Variants in MCC observed in about 807,000 individuals in gnomAD.
MCC encodes colorectal mutant cancer protein.
A neutral mutation model predicts 116.2 loss-of-function variants in MCC; 90 were observed. The ratio of observed to expected loss-of-function variants is 0.77; its 90% CI spans 0.65 to 0.92. The LOEUF (loss-of-function observed/expected upper bound fraction) is 0.92, where lower values mean the gene tolerates loss of function less well. Ranked by LOEUF, MCC falls within the 40% of genes least tolerant of loss-of-function variation. MCC has a pLI of 0.00. For missense variants in MCC, 1,516 were observed against 1,312.2 expected, an observed-to-expected ratio of 1.16 and a Z score of -2.40; for synonymous variants, 578 against 510.5, an observed-to-expected ratio of 1.13 and a Z score of -1.78.
At chr5:113,074,265 A>T (rs1160615519) in intron 11 of MCC, among the ~76,000 whole-genome samples, 1 of 152,188 alleles carries the variant, frequency 6.6e-6, no homozygotes. Context: ...ACCCACACAA[A>T]CAGGGTCTGG....
At chr5:113,403,405 A>G (rs1392210749) in intron 1 of MCC, among the ~76,000 whole-genome samples, 1 of 152,250 alleles carries the variant, frequency 6.6e-6, no homozygotes, top group Non-Finnish European at 1.5e-5. Context: ...GTTAAATCCC[A>G]GAAATAAAAA....
intron 3 of MCC, among the ~76,000 whole-genome samples, chr5:113,152,303 G>A (rs748986436): frequency 5.9e-5 from 9 of 152,280 alleles, no homozygotes; most frequent in East Asian, 1.9e-4. Context: ...TTTTCAGGCC[G>A]ACGGATGGAA....
At chr5:113,079,791 G>A (rs961895481) in intron 11 of MCC, among the ~76,000 whole-genome samples, 20 of 152,138 alleles carry the variant, frequency 1.3e-4, no homozygotes, top group African/African-American at 4.3e-4. Context: ...TGGCACCAAA[G>A]GCAAAATAGA....
At chr5:113,285,814 G>A (rs979102708) in intron 3 of MCC, among the ~76,000 whole-genome samples, 3 of 152,176 alleles carry the variant, frequency 2.0e-5, no homozygotes, top group Non-Finnish European at 4.4e-5. Context: ...CATCAGTTTT[G>A]TTTGTTGCTG....
rs557841674 is a variant in MCC at position 113,483,360 on chromosome 5, G to A, written c.170+4885C>T. 7.9e-5 allele frequency among the ~76,000 whole-genome samples: 12 copies of A among 152,284 alleles called. No individual in the cohort carries two copies. The East Asian group carries it at 2.3e-3, about 29-fold the overall frequency. The stretch of plus-strand genomic sequence containing the variant: ...TTGATTCTGTAAATCAATTTGGGAA[G>A]TATTGCCATCTTAACAAAAAGTTTT... On this transcript the variant is annotated intron_variant, in intron 1 of 18. Coordinates refer to ENST00000408903, the MANE Select transcript of MCC (RefSeq NM_001085377.2).
intron 3 of MCC, among the ~76,000 whole-genome samples, chr5:113,244,967 A>G (rs978117293): frequency 1.3e-5 from 2 of 152,216 alleles, no homozygotes; most frequent in Non-Finnish European, 2.9e-5. Context: ...TTGATTAGCC[A>G]TTGTGGGTTA....
At chr5:113,104,051 C>G in intron 7 of MCC, 141 bp downstream of exon 7, 2 of 826,366 alleles carry the variant, frequency 2.4e-6, no homozygotes, top group African/African-American at 3.4e-5. Flanking sequence ...CGCTTCTACA[C>G]CGTGGCTCAA....
intron 1 of MCC, among the ~76,000 whole-genome samples, chr5:113,442,705 T>G (rs899020414): frequency 6.6e-6 from 1 of 152,154 alleles, no homozygotes; most frequent in Non-Finnish European, 1.5e-5. Context: ...CCAGTTTCAG[T>G]TTTCTGCATA....
chr5:113,396,205 G>C (rs975289112), intron 1 of MCC, among the ~76,000 whole-genome samples: 9 of 152,178 alleles, frequency 5.9e-5, no homozygotes, highest in Non-Finnish European at 1.0e-4. Flanking sequence ...GCATATGCCT[G>C]TAGTCCCGGC....
At position 113,079,842 on chromosome 5, in the gene MCC, A is replaced by G. The variant is rs182566249; in HGVS notation, c.1784+3018T>C. On this transcript the variant is annotated intron_variant, in intron 11 of 18. Coordinates refer to ENST00000408903, the MANE Select transcript of MCC (RefSeq NM_001085377.2). ...TAAACTAAAGAGCTTCTGCACAGCA[A>G]AAGAAACTGCCATCAGAGTGAACAG... is the stretch of plus-strand genomic sequence containing the variant. 5.9e-3 allele frequency among the ~76,000 whole-genome samples: 902 copies of G among 152,370 alleles called. 12 individuals are homozygous for G. The highest frequency in any genetic ancestry group is 0.021 in the African/African-American group (873 of 41,582).
intron 1 of MCC, among the ~76,000 whole-genome samples, chr5:113,413,479 T>C (rs1176347840): frequency 6.6e-6 from 1 of 152,252 alleles, no homozygotes; most frequent in Non-Finnish European, 1.5e-5. Context: ...GAGATTCAAC[T>C]TCTTCCTGGT....
chr5:113,201,502 T>G (rs1251284492), intron 3 of MCC, among the ~76,000 whole-genome samples: 3 of 152,106 alleles, frequency 2.0e-5, no homozygotes, highest in African/African-American at 4.8e-5. Context: ...GGCTCCTTCT[T>G]GGTGACTTTA....
At chr5:113,065,462 A>G (rs1173318500) in intron 13 of MCC, among the ~76,000 whole-genome samples, 1 of 152,238 alleles carries the variant, frequency 6.6e-6, no homozygotes, top group African/African-American at 2.4e-5. Context: ...GCTTTTCCAA[A>G]TATTTTTAAA....
At chr5:113,421,105 C>G (rs1421855461) in intron 1 of MCC, among the ~76,000 whole-genome samples, 1 of 151,952 alleles carries the variant, frequency 6.6e-6, no homozygotes, top group Non-Finnish European at 1.5e-5. Flanking sequence ...CTCACTGCAA[C>G]CTCTGTCTCC....
intron 3 of MCC, among the ~76,000 whole-genome samples, chr5:113,258,635 A>T (rs987806543): frequency 2.1e-4 from 32 of 152,194 alleles, no homozygotes; most frequent in African/African-American, 7.7e-4. Context: ...TCTGTGGAAA[A>T]ATTGTCTTCT....
intron 3 of MCC, among the ~76,000 whole-genome samples, chr5:113,206,775 A>G (rs1254133002): frequency 6.6e-6 from 1 of 152,232 alleles, no homozygotes; most frequent in East Asian, 1.9e-4. Context: ...TCTTGTACTT[A>G]AAAAGTAAGT....
At chr5:113,273,901 C>T (rs1361987229) in intron 3 of MCC, among the ~76,000 whole-genome samples, 1 of 152,130 alleles carries the variant, frequency 6.6e-6, no homozygotes, top group Admixed American at 6.5e-5. Flanking sequence ...CTTCATCTCC[C>T]AAGTCTGCCC....
chr5:113,339,674 C>A (rs1256967439), intron 3 of MCC, among the ~76,000 whole-genome samples: 1 of 152,082 alleles, frequency 6.6e-6, no homozygotes, highest in Non-Finnish European at 1.5e-5. Context: ...ATTATTGTTG[C>A]CATATTTACA....
At chr5:113,331,180 G>A (rs570602488) in intron 3 of MCC, among the ~76,000 whole-genome samples, 147 of 152,048 alleles carry the variant, frequency 9.7e-4, no homozygotes, top group Non-Finnish European at 1.9e-3. Flanking sequence ...AGCCAAGAGA[G>A]TAGGGGGTCT....
Sources: gnomAD v4.1 joint callset for allele counts (sites outside exome capture counted in the v4.1 genomes callset) on GRCh38, gnomAD v4.1.1 for gene constraint, MANE v1.5 for transcripts, NCBI Gene and HGNC (gene_info 2026-07-23, HGNC 2026-07-21) for gene names.